The following WDR72 variants were observed in gnomAD, a reference collection of about 807,000 sequenced individuals.
WDR72 encodes the protein WD repeat domain 72.
Under a neutral mutation model 124.2 loss-of-function variants are expected in WDR72, and 120 were observed. That is an observed-to-expected ratio of 0.97 (90% CI 0.83 to 1.12). The LOEUF (loss-of-function observed/expected upper bound fraction) is 1.12. Ranked by LOEUF, WDR72 falls within the 50% of genes most tolerant of loss-of-function variation. WDR72 has a pLI of 0.00. For missense variants in WDR72, 1,387 were observed against 1,278.8 expected (o/e 1.08, Z -1.29); for synonymous variants, 452 against 441.7 (o/e 1.02, Z -0.29).
At chr15:53,585,875 T>C (rs1232503273) in intron 18 of WDR72, among the ~76,000 whole-genome samples, 1 of 152,024 alleles carries the variant, frequency 6.6e-6, no homozygotes, top group Non-Finnish European at 1.5e-5. Flanking sequence ...AAAGGAGTCC[T>C]CTCTTTAAGA....
chr15:53,577,324 A>T (rs541741359), intron 18 of WDR72, among the ~76,000 whole-genome samples: 1 of 152,114 alleles, frequency 6.6e-6, no homozygotes, highest in African/African-American at 2.4e-5. Context: ...CATGTTAACT[A>T]TCCATTTACC....
intron 14 of WDR72, among the ~76,000 whole-genome samples, chr15:53,637,041 C>A (rs1426166619): frequency 6.6e-6 from 1 of 152,174 alleles, no homozygotes; most frequent in Non-Finnish European, 1.5e-5. Context: ...CATTAACCTA[C>A]TTTCTATGGC....
intron 17 of WDR72, among the ~76,000 whole-genome samples, chr15:53,598,736 A>C (rs2140341850): frequency 6.6e-6 from 1 of 152,324 alleles, no homozygotes; most frequent in East Asian, 1.9e-4. Flanking sequence ...GTAGAATATC[A>C]CTATTGCATA....
rs564363647 is a variant in WDR72, at chr15:53,742,443, C to G, written c.-12-9282G>C. ...GTCTTTGGAAAAAGATTACAAACCT[C>G]TATCATAGCCCTCAATTTATAATTA... On this transcript the variant is annotated intron_variant, in intron 1 of 19. Transcript: ENST00000360509. Among the ~76,000 whole-genome samples, 24 of 152,280 alleles carry G rather than the reference C, an allele frequency of 1.6e-4. 1 individual carries two copies. The South Asian group carries it at 5.0e-3, about 32-fold the overall frequency.
intron 17 of WDR72, among the ~76,000 whole-genome samples, chr15:53,599,622 C>T (rs77398544): frequency 0.021 from 3,134 of 152,094 alleles, 115 homozygotes; most frequent in African/African-American, 0.072. Flanking sequence ...ATATTATACC[C>T]CTCAGAATGG....
intron 2 of WDR72, 97 bp from the exon 3 acceptor site, chr15:53,723,005 G>A: frequency 8.7e-7 from 1 of 1,151,470 alleles, no homozygotes. Context: ...AGGAAATTCT[G>A]TTGTTTTTGT....
rs148382224 is a variant in WDR72 at position 53,665,179 on chromosome 15, C to G, written c.1962+393G>C. 3.1e-3 allele frequency among the ~76,000 whole-genome samples: 473 copies of G among 151,150 alleles called. 4 individuals carry two copies. Among genetic ancestry groups the G allele is most frequent in the African/African-American group, 0.011 (456 of 40,646 alleles). ...GGTTATATCAAAAGAATTATCCATA[C>G]TGTGATCTAGTTTTTCTGATTTTTT... is the stretch of plus-strand genomic sequence containing the variant. On this transcript the variant is annotated intron_variant, in intron 14 of 19. Transcript: ENST00000360509.
intron 1 of WDR72, among the ~76,000 whole-genome samples, chr15:53,733,952 T>C (rs1422249792): frequency 6.6e-6 from 1 of 152,200 alleles, no homozygotes; most frequent in Non-Finnish European, 1.5e-5. Context: ...TTTAGCATTA[T>C]ATATTTAATC....
At chr15:53,676,493 T>C (rs1244763834) in intron 13 of WDR72, among the ~76,000 whole-genome samples, 1 of 152,172 alleles carries the variant, frequency 6.6e-6, no homozygotes, top group African/African-American at 2.4e-5. Context: ...CATTGCTAGC[T>C]TGGAAGTGGC....
intron 18 of WDR72, among the ~76,000 whole-genome samples, chr15:53,592,552 A>G (rs899299061): frequency 6.6e-6 from 1 of 152,106 alleles, no homozygotes; most frequent in Admixed American, 6.6e-5. Flanking sequence ...CATTTTTATT[A>G]TTTAATTTTC....
At chr15:53,642,318 G>A (rs1326343300) in intron 14 of WDR72, among the ~76,000 whole-genome samples, 1 of 151,216 alleles carries the variant, frequency 6.6e-6, no homozygotes, top group Non-Finnish European at 1.5e-5. Context: ...ATCTAACCAG[G>A]GTAGATCTTT....
intron 14 of WDR72, among the ~76,000 whole-genome samples, chr15:53,639,651 G>A (rs2140409406): frequency 6.6e-6 from 1 of 151,548 alleles, no homozygotes; most frequent in African/African-American, 2.4e-5. Flanking sequence ...GCCTGGCACT[G>A]CTGTCTGATT....
intron 9 of WDR72, among the ~76,000 whole-genome samples, chr15:53,707,957 A>G (rs1362067476): frequency 6.6e-6 from 1 of 152,180 alleles, no homozygotes; most frequent in African/African-American, 2.4e-5. Context: ...AGTTGGTGGC[A>G]GCACAACTCC....
At position 53,609,524 on chromosome 15, in the gene WDR72, G is replaced by A. The variant is rs1205862024; in HGVS notation, c.2941C>T (p.Gln981Ter). 6.2e-7 allele frequency: 1 copy of A among 1,613,180 alleles called. No homozygotes were observed. The highest frequency in any genetic ancestry group is 2.2e-5 in the East Asian group (1 of 44,824). ...LLKLISCWRD[Q>*]SVQVTEAIQA... ...GAATTATATCATACCTGCACAGACT[G>A]GTCTCTCCAACAGGAAATTAGCTTC... The change falls in exon 17 of 20, where the codon CAG (glutamine) becomes TAG (stop). Residue 981 changes from glutamine (Q) to a stop codon, truncating the protein, a stop_gained. Coordinates refer to ENST00000360509, the MANE Select transcript of WDR72 (RefSeq NM_182758.4). LOFTEE classifies it high-confidence loss of function.
chr15:53,596,025 TAA>T (rs1254612242), intron 18 of WDR72, among the ~76,000 whole-genome samples: 15 of 152,130 alleles, frequency 9.9e-5, no homozygotes, highest in Admixed American at 6.6e-4. Flanking sequence ...CTCCAATCAG[TAA>T]TCTCATAAAA....
chr15:53,685,712 A>G lies in WDR72; in HGVS notation c.1765+14038T>C, dbSNP rs917111089. Among the ~76,000 whole-genome samples, 3 of 151,416 alleles carry G rather than the reference A, an allele frequency of 2.0e-5. No homozygotes were observed. In the East Asian group the frequency reaches 5.9e-4, roughly 30 times the overall value. On this transcript the variant is annotated intron_variant, in intron 13 of 19. Transcript: ENST00000360509. Reference sequence around the variant, plus strand: ...TTCAGATTCAGGAAATACAGAGAACACCGCAAAGATACTCCTCGAGAAGAC... The same window carrying G: ...TTCAGATTCAGGAAATACAGAGAACGCCGCAAAGATACTCCTCGAGAAGAC...
intron 18 of WDR72, among the ~76,000 whole-genome samples, chr15:53,564,678 T>C (rs568321679): frequency 6.6e-5 from 10 of 151,976 alleles, no homozygotes; most frequent in African/African-American, 1.9e-4. Flanking sequence ...TTTGGTCTTA[T>C]AGGAATGGTA....
intron 1 of WDR72, chr15:53,759,222 T>C (rs7167726): frequency 0.31 from 47,445 of 151,928 alleles, 8,062 homozygotes; most frequent in South Asian, 0.47. Context: ...ATAAAATTAA[T>C]TCAATCGATT....
At chr15:53,679,952 A>AAAAAG (rs1555422867) in intron 13 of WDR72, among the ~76,000 whole-genome samples, 1,921 of 151,346 alleles carry the variant, frequency 0.013, 30 homozygotes, top group East Asian at 0.068. Flanking sequence ...AGCAAAAAAA[A>AAAAAG]AAAGAAAAGG....
Sources: gnomAD v4.1 joint callset for allele counts (sites outside exome capture counted in the v4.1 genomes callset) on GRCh38, gnomAD v4.1.1 for gene constraint, MANE v1.5 for transcripts, NCBI Gene and HGNC (gene_info 2026-07-23, HGNC 2026-07-21) for gene names.